GRIK1: variants seen among roughly 807,000 people sequenced by gnomAD.
The protein encoded by GRIK1 is glutamate ionotropic receptor kainate type subunit 1.
A neutral mutation model predicts 105.7 loss-of-function variants in GRIK1; 69 were observed. The observed-to-expected ratio is 0.65, with a 90% CI of 0.54 to 0.80. The LOEUF is 0.80. Ranked by LOEUF, GRIK1 falls within the 30% of genes least tolerant of loss-of-function variation. The pLI, the probability that GRIK1 is intolerant of heterozygous loss-of-function variation, is 0.00. For synonymous variants in GRIK1, 438 were observed against 431.3 expected, an observed-to-expected ratio of 1.02 and a Z score of -0.19; for missense variants, 1,109 against 1,167.3, an observed-to-expected ratio of 0.95 and a Z score of 0.73.
intron 1 of GRIK1, among the ~76,000 whole-genome samples, chr21:29,809,700 C>T (rs980110991): frequency 4.6e-5 from 7 of 152,302 alleles, no homozygotes; most frequent in Middle Eastern, 3.4e-3. Flanking sequence ...GTGCAAGAGG[C>T]CTAGCTTTCC....
chr21:29,542,883 C>G (rs915021365), intron 16 of GRIK1, among the ~76,000 whole-genome samples: 3 of 152,074 alleles, frequency 2.0e-5, no homozygotes, highest in Non-Finnish European at 4.4e-5. Context: ...CTCTGTGACA[C>G]AGTCTGATAA....
chr21:29,773,867 T>A (rs758928437), intron 1 of GRIK1, among the ~76,000 whole-genome samples: 1 of 152,160 alleles, frequency 6.6e-6, no homozygotes, highest in Non-Finnish European at 1.5e-5. Flanking sequence ...CTACATTCAT[T>A]CAACTTAAAA....
chr21:29,647,465 T>G (rs16984636), intron 6 of GRIK1, among the ~76,000 whole-genome samples: 16,133 of 152,220 alleles, frequency 0.11, 915 homozygotes, highest in African/African-American at 0.15. Flanking sequence ...GGGAACTCTA[T>G]GACGTCTTCC....
intron 7 of GRIK1, 144 bp downstream of exon 7, chr21:29,642,682 T>G (rs907782684): frequency 2.8e-5 from 19 of 689,802 alleles, no homozygotes; most frequent in East Asian, 1.4e-4. Flanking sequence ...CTTTTGACAC[T>G]GAAATCTGAG....
chr21:29,830,017 T>C lies in GRIK1; in HGVS notation c.118+109366A>G, dbSNP rs548546113. Among the ~76,000 whole-genome samples the C allele has an allele frequency of 3.9e-5, 6 of 152,270 alleles. No individual in the cohort carries two copies. In the South Asian group the frequency reaches 1.2e-3, roughly 32 times the overall value. On this transcript the variant is annotated intron_variant, in intron 1 of 17. Transcript: ENST00000327783. ...GCAGTAATTCCCAAATAGAAACACC[T>C]ACTTTCACACAAGGCCTAGGAAATA... is the stretch of plus-strand genomic sequence containing the variant.
At chr21:29,848,779 A>ATATTTTTTTTTTT in intron 1 of GRIK1, among the ~76,000 whole-genome samples, 7 of 77,864 alleles carry the variant, frequency 9.0e-5, no homozygotes, top group African/African-American at 3.5e-4. Flanking sequence ...ATATATATAT[A>ATATTTTTTTTTTT]TTTTTTTTTT....
intron 1 of GRIK1, among the ~76,000 whole-genome samples, chr21:29,772,158 G>T (rs534509081): frequency 6.6e-6 from 1 of 152,006 alleles, no homozygotes; most frequent in East Asian, 1.9e-4. Flanking sequence ...TGAATCTTTC[G>T]AAATGGAAAT....
At chr21:29,790,821 C>T (rs1257576557) in intron 1 of GRIK1, among the ~76,000 whole-genome samples, 1 of 152,188 alleles carries the variant, frequency 6.6e-6, no homozygotes, top group African/African-American at 2.4e-5. Context: ...AAATCCTATT[C>T]CAGATTCTAG....
intron 1 of GRIK1, among the ~76,000 whole-genome samples, chr21:29,723,581 T>G (rs1302875202): frequency 2.0e-5 from 3 of 152,222 alleles, no homozygotes; most frequent in Non-Finnish European, 4.4e-5. Context: ...TGCTTTGTCT[T>G]GTTTTAATAC....
At chr21:29,779,326 C>CAGTG (rs991174693) in intron 1 of GRIK1, among the ~76,000 whole-genome samples, 1 of 112,768 alleles carries the variant, frequency 8.9e-6, no homozygotes, top group African/African-American at 3.0e-5. Context: ...TTTTGGAGGT[C>CAGTG]AGTGAGTGAG....
chr21:29,789,161 G>A (rs1393339733), intron 1 of GRIK1, among the ~76,000 whole-genome samples: 2 of 152,162 alleles, frequency 1.3e-5, no homozygotes, highest in African/African-American at 2.4e-5. Context: ...ATTAGAAATG[G>A]CTTACTGCAA....
chr21:29,769,364 C>G (rs907063300), intron 1 of GRIK1, among the ~76,000 whole-genome samples: 2 of 152,136 alleles, frequency 1.3e-5, no homozygotes, highest in Admixed American at 6.5e-5. Flanking sequence ...GAGAATTCAT[C>G]TACAACTGCA....
chr21:29,594,508 C>T (rs903760604), intron 9 of GRIK1, among the ~76,000 whole-genome samples: 4 of 152,176 alleles, frequency 2.6e-5, no homozygotes, highest in African/African-American at 7.2e-5. Context: ...GAGGGTGGAT[C>T]AGTTACTTGT....
intron 16 of GRIK1, among the ~76,000 whole-genome samples, chr21:29,542,536 A>G (rs1370981478): frequency 6.6e-6 from 1 of 152,204 alleles, no homozygotes; most frequent in Non-Finnish European, 1.5e-5. Context: ...TAAGTTATAG[A>G]TAAAGCTCTG....
chr21:29,686,069 C>T (rs1038504344), intron 3 of GRIK1, among the ~76,000 whole-genome samples: 2 of 152,206 alleles, frequency 1.3e-5, no homozygotes, highest in African/African-American at 4.8e-5. Flanking sequence ...ACTGATTCTA[C>T]CCTTTTGTCC....
intron 4 of GRIK1, among the ~76,000 whole-genome samples, chr21:29,664,723 AG>A (rs2063027258): frequency 6.6e-6 from 1 of 152,192 alleles, no homozygotes; most frequent in African/African-American, 2.4e-5. Context: ...TGGGAAAAGT[AG>A]GAAGGAAGGA....
chr21:29,899,774 A>G (rs1280589395), intron 1 of GRIK1, among the ~76,000 whole-genome samples: 1 of 152,144 alleles, frequency 6.6e-6, no homozygotes, highest in African/African-American at 2.4e-5. Context: ...ACTGAAGTAG[A>G]AGAAAATGAT....
At chr21:29,721,441 G>A (rs1256283030) in intron 1 of GRIK1, among the ~76,000 whole-genome samples, 1 of 152,060 alleles carries the variant, frequency 6.6e-6, no homozygotes, top group Non-Finnish European at 1.5e-5. Context: ...CCACAGTGGT[G>A]CAGGGCTATA....
At chr21:29,646,965 C>G (rs2062634019) in intron 6 of GRIK1, among the ~76,000 whole-genome samples, 1 of 152,064 alleles carries the variant, frequency 6.6e-6, no homozygotes, top group Non-Finnish European at 1.5e-5. Flanking sequence ...CCTGCTTCAG[C>G]CTCCTGAGTA....
Sources: gnomAD v4.1 joint callset for allele counts (sites outside exome capture counted in the v4.1 genomes callset) on GRCh38, gnomAD v4.1.1 for gene constraint, MANE v1.5 for transcripts, NCBI Gene and HGNC (gene_info 2026-07-23, HGNC 2026-07-21) for gene names.